Variants in NEK9 observed in about 807,000 individuals in gnomAD.
NEK9 encodes the protein serine/threonine-protein kinase Nek9.
A neutral mutation model predicts 123.4 loss-of-function variants in NEK9; 75 were observed. The ratio of observed to expected loss-of-function variants is 0.61; its 90% CI spans 0.50 to 0.74. The LOEUF is 0.74. NEK9 is among the 30% of genes least tolerant of loss of function. The pLI is 0.00. For synonymous variants in NEK9, 438 were observed against 458.7 expected (o/e 0.95, Z 0.58); for missense variants, 952 against 1,214.4 (o/e 0.78, Z 3.21).
intron 21 of NEK9, chr14:75,086,461 G>T (rs1296614041): frequency 6.5e-6 from 1 of 153,774 alleles, no homozygotes; most frequent in Non-Finnish European, 1.4e-5. Flanking sequence ...TTGTTCAGGA[G>T]AATGTCTATT....
At chr14:75,102,561 C>T (rs1400705369) in intron 14 of NEK9, among the ~76,000 whole-genome samples, 1 of 151,694 alleles carries the variant, frequency 6.6e-6, no homozygotes, top group African/African-American at 2.4e-5. Context: ...ACCGTGTTAG[C>T]CAGGATGGTC....
At chr14:75,115,114 TAC>T (rs10632881) in intron 6 of NEK9, among the ~76,000 whole-genome samples, 13 of 147,178 alleles carry the variant, frequency 8.8e-5, no homozygotes, top group Admixed American at 2.8e-4. Context: ...CGTGTGTGCG[TAC>T]ACACACACAC....
At chr14:75,107,111 C>T (rs1451622513) in intron 11 of NEK9, among the ~76,000 whole-genome samples, 1 of 152,052 alleles carries the variant, frequency 6.6e-6, no homozygotes, top group Admixed American at 6.6e-5. Context: ...CCACGACACA[C>T]ATTTTCTCCT....
At chr14:75,094,335 A>C (rs954420308) in intron 18 of NEK9, among the ~76,000 whole-genome samples, 5 of 152,192 alleles carry the variant, frequency 3.3e-5, no homozygotes, top group Admixed American at 1.3e-4. Context: ...GCCGGATTGC[A>C]GTGGCTATTC....
At position 75,101,685 on chromosome 14, in the gene NEK9, T is replaced by A. The variant is rs1566647642; in HGVS notation, c.1812A>T (p.Pro604=). Residue 604 remains proline, a synonymous_variant, in exon 15 of 22, where the codon CCA becomes CCT. Transcript: ENST00000238616. ...LSFYKIRTIA[P]GKTHTAAIDE... ...CAATAGCAGCTGTGTGAGTCTTGCC[T>A]GGGGCAATGGTACGGATCTTATAAA... The A allele has an allele frequency of 6.2e-7, 1 of 1,613,624 alleles. No individual in the cohort carries two copies. Among genetic ancestry groups the A allele is most frequent in the Non-Finnish European group, 8.5e-7 (1 of 1,179,638 alleles).
At chr14:75,109,977 T>TATG (rs1894907734) in intron 9 of NEK9, 100 bp from the exon 10 acceptor site, 1 of 1,126,392 alleles carries the variant, frequency 8.9e-7, no homozygotes, top group South Asian at 1.6e-5. Flanking sequence ...CCAATTATGG[T>TATG]ATGAGAAAGT....
Position 75,087,001 on chromosome 14 carries a change from T to C in NEK9, c.2817+17A>G, listed in dbSNP as rs753755018. The C allele has an allele frequency of 9.9e-6, 16 of 1,608,682 alleles. No homozygotes were observed. Among genetic ancestry groups the C allele is most frequent in the Non-Finnish European group, 1.3e-5 (15 of 1,175,066 alleles). On this transcript the variant is annotated intron_variant, in intron 21 of 21. Transcript: ENST00000238616. ...AAAACAGGCTTAGAAATTGGATTAT[T>C]CTTTTAATGCTCTCACCTGCTGCCC...
At chr14:75,105,482 TGGCAA>T (rs1370585492) in intron 13 of NEK9, among the ~76,000 whole-genome samples, 1 of 152,204 alleles carries the variant, frequency 6.6e-6, no homozygotes, top group East Asian at 1.9e-4. Context: ...GGGCCAGCTC[TGGCAA>T]GGCTGAGAGT....
intron 16 of NEK9, among the ~76,000 whole-genome samples, chr14:75,099,267 C>A (rs1005178395): frequency 2.0e-5 from 3 of 150,332 alleles, no homozygotes; most frequent in Admixed American, 6.6e-5. Context: ...GGAGGCTGCA[C>A]TGAGCCGAGA....
intron 6 of NEK9, chr14:75,116,691 G>A (rs530993797): frequency 1.8e-4 from 32 of 176,566 alleles, no homozygotes; most frequent in East Asian, 7.2e-4. Context: ...ACAGTGGTGC[G>A]ATCTTGGCTT....
At position 75,103,879 on chromosome 14, in the gene NEK9, C is replaced by A. The variant is rs778397378; in HGVS notation, c.1694G>T (p.Gly565Val). The change falls in exon 14 of 22, where the codon GGT becomes GTT. Residue 565 changes from glycine (G) to valine (V), a missense_variant. By Grantham distance (109) the Gly-to-Val change is moderately radical. Transcript: ENST00000238616. ...AATTCCCGACATGCACTGATTCAGA[C>A]CCAGCTTATTGAATTCATTGAGTCC... is the stretch of plus-strand genomic sequence containing the variant. ...ACGLNEFNKLGLNQCMSGIIN... is the reference protein window; with the variant it reads ...ACGLNEFNKLVLNQCMSGIIN... 3 of 1,613,934 alleles carry A rather than the reference C, an allele frequency of 1.9e-6. No individual in the cohort carries two copies. The highest frequency in any genetic ancestry group is 2.5e-6 in the Non-Finnish European group (3 of 1,179,952).
At chr14:75,113,272 C>T (rs1895016116) in intron 8 of NEK9, 67 bp downstream of exon 8, 1 of 1,202,464 alleles carries the variant, frequency 8.3e-7, no homozygotes, top group Non-Finnish European at 1.2e-6. Flanking sequence ...TCTTTTAGTA[C>T]TCTGATCAAG....
At chr14:75,118,520 C>G (rs1014584094) in intron 5 of NEK9, among the ~76,000 whole-genome samples, 1 of 152,154 alleles carries the variant, frequency 6.6e-6, no homozygotes, top group African/African-American at 2.4e-5. Context: ...ACACCTTGAG[C>G]TCAAACATTA....
chr14:75,122,652 G>A (rs1338317967), intron 2 of NEK9, among the ~76,000 whole-genome samples: 1 of 151,194 alleles, frequency 6.6e-6, no homozygotes, highest in African/African-American at 2.4e-5. Context: ...TTACAGGCAC[G>A]CGCCACCATG....
intron 11 of NEK9, 28 bp downstream of exon 11, chr14:75,107,315 C>T (rs752798266): frequency 2.5e-6 from 4 of 1,606,782 alleles, no homozygotes; most frequent in Non-Finnish European, 3.4e-6. Flanking sequence ...ATTAAATGCA[C>T]TTAAGACACT....
intron 8 of NEK9, among the ~76,000 whole-genome samples, chr14:75,111,954 C>T (rs1894971834): frequency 6.6e-6 from 1 of 151,868 alleles, no homozygotes. Flanking sequence ...ATAAGCCAGA[C>T]AAAAATTTTA....
chr14:75,096,521 G>A (rs1293235616), intron 17 of NEK9: 1 of 152,008 alleles, frequency 6.6e-6, no homozygotes, highest in Non-Finnish European at 1.5e-5. Flanking sequence ...ATGATTAGAA[G>A]TAACAAATTC....
chr14:75,101,750 G>C lies in NEK9; in HGVS notation c.1747C>G (p.Pro583Ala), dbSNP rs768661255. The C allele has an allele frequency of 6.2e-7, 1 of 1,612,632 alleles. No homozygotes were observed. The highest frequency in any genetic ancestry group is 8.5e-7 in the Non-Finnish European group (1 of 1,178,674). The change falls in exon 15 of 22, where the codon CCC (proline) becomes GCC (alanine). Residue 583 changes from proline (P) to alanine (A), a missense_variant. By Grantham distance (27) the Pro-to-Ala change is conservative (BLOSUM62 -1). Transcript: ENST00000238616. Reference sequence around the variant, plus strand: ...GCCAAGGTAAAGGACGTTGTGTAGGGAACTTCATGGTATGCCTGAAACAAA... The same window carrying C: ...GCCAAGGTAAAGGACGTTGTGTAGGCAACTTCATGGTATGCCTGAAACAAA... Reference protein sequence around the residue: ...IINHEAYHEVPYTTSFTLAKQ... With the variant: ...IINHEAYHEVAYTTSFTLAKQ...
At chr14:75,090,431 A>G (rs141572771) in intron 19 of NEK9, among the ~76,000 whole-genome samples, 49 of 152,302 alleles carry the variant, frequency 3.2e-4, no homozygotes, top group African/African-American at 1.1e-3. Context: ...CTGTCAATAC[A>G]TAGTCTTGTT....
Sources: gnomAD v4.1 joint callset for allele counts (sites outside exome capture counted in the v4.1 genomes callset) on GRCh38, gnomAD v4.1.1 for gene constraint, MANE v1.5 for transcripts, NCBI Gene and HGNC (gene_info 2026-07-23, HGNC 2026-07-21) for gene names.